PIWIL2: variants seen among roughly 807,000 people sequenced by gnomAD.
PIWIL2 encodes the protein piwi like RNA-mediated gene silencing 2, also known as piwi-like protein 2.
Under a neutral mutation model 116.5 loss-of-function variants are expected in PIWIL2, and 81 were observed. The observed-to-expected ratio is 0.70, with a 90% confidence interval of 0.58 to 0.84. The LOEUF (loss-of-function observed/expected upper bound fraction) is 0.84, where lower values mean the gene tolerates loss of function less well. Among genes scored for constraint, PIWIL2 ranks in the 40% least tolerant of loss-of-function variants. The pLI is 0.00. For synonymous variants in PIWIL2, 489 were observed against 429.5 expected, an observed-to-expected ratio of 1.14 and a Z score of -1.71; for missense variants, 1,272 against 1,212.3, an observed-to-expected ratio of 1.05 and a Z score of -0.73.
Position 22,283,156 on chromosome 8 carries a change from A to G in PIWIL2, c.548A>G (p.Gln183Arg), listed in dbSNP as rs1410634826. 4 of 1,614,060 alleles carry G rather than the reference A, an allele frequency of 2.5e-6. No homozygotes were observed. In the African/African-American group the frequency reaches 4.0e-5, roughly 16 times the overall value. Reference protein sequence around the residue: ...TFSTPSRGPPQLSSPPALPQS... With the variant: ...TFSTPSRGPPRLSSPPALPQS... ...AGCACACCGTCCCGGGGTCCCCCGC[A>G]GCTGTCATCACCACCAGCTCTGCCC... Residue 183 changes from glutamine to arginine, a missense_variant, in exon 5 of 23, where the codon CAG becomes CGG. Coordinates refer to ENST00000356766, the MANE Select transcript of PIWIL2 (RefSeq NM_018068.5).
intron 5 of PIWIL2, among the ~76,000 whole-genome samples, chr8:22,283,558 G>A (rs1337983864): frequency 2.0e-5 from 3 of 152,128 alleles, no homozygotes; most frequent in African/African-American, 4.8e-5. Context: ...ATAGGCGCCC[G>A]CCATCACCCC....
intron 4 of PIWIL2, among the ~76,000 whole-genome samples, chr8:22,282,649 G>A (rs905115220): frequency 4.6e-5 from 7 of 151,834 alleles, no homozygotes; most frequent in Non-Finnish European, 8.8e-5. Context: ...TTAGTGCAGT[G>A]GTGTGATCTC....
At chr8:22,321,531 A>G (rs1215439827) in intron 20 of PIWIL2, among the ~76,000 whole-genome samples, 1 of 152,086 alleles carries the variant, frequency 6.6e-6, no homozygotes, top group African/African-American at 2.4e-5. Context: ...TGTTTTGCAA[A>G]ATGAAGACCT....
At chr8:22,323,272 C>T (rs10101724) in intron 20 of PIWIL2, among the ~76,000 whole-genome samples, 6,889 of 151,620 alleles carry the variant, frequency 0.045, 521 homozygotes, top group African/African-American at 0.16. Context: ...CTCAGCTTCC[C>T]GAGTAGCTGG....
intron 19 of PIWIL2, among the ~76,000 whole-genome samples, chr8:22,317,852 G>A (rs1245312217): frequency 4.6e-5 from 7 of 151,902 alleles, no homozygotes; most frequent in Non-Finnish European, 8.8e-5. Context: ...TAGTAGAGAC[G>A]GGGTTTCACC....
chr8:22,310,967 T>G (rs921528545), intron 15 of PIWIL2, 145 bp from the exon 16 acceptor site: 1 of 673,548 alleles, frequency 1.5e-6, no homozygotes, highest in African/African-American at 1.8e-5. Context: ...TCTTATCATG[T>G]ACGTTCATGT....
Position 22,352,861 on chromosome 8 carries a change from C to T in PIWIL2, c.2404-98C>T, listed in dbSNP as rs557976380. ...TTGGCACTAACTGCAAAAGGATCTG[C>T]CATGATTCCAGGCTACACAATGCGA... On this transcript the variant is annotated intron_variant, in intron 20 of 22. Coordinates refer to ENST00000356766, the MANE Select transcript of PIWIL2 (RefSeq NM_018068.5). 4.9e-6 allele frequency: 6 copies of T among 1,236,782 alleles called. No individual in the cohort carries two copies. The South Asian group carries it at 7.6e-5, about 16-fold the overall frequency. 76.6% of individuals were successfully genotyped at this position (1,236,782 alleles called of 1,614,324 possible). A position where few individuals can be genotyped will look rare whatever the true frequency, so the allele number is the denominator to read the frequency against.
At chr8:22,290,564 T>A (rs1830735657) in intron 10 of PIWIL2, among the ~76,000 whole-genome samples, 1 of 151,910 alleles carries the variant, frequency 6.6e-6, no homozygotes, top group African/African-American at 2.4e-5. Context: ...ACCTCAGCCT[T>A]CTGAGTAGCC....
At chr8:22,321,435 T>G (rs1831596811) in intron 20 of PIWIL2, among the ~76,000 whole-genome samples, 7 of 152,302 alleles carry the variant, frequency 4.6e-5, no homozygotes, top group Admixed American at 6.5e-5. Flanking sequence ...TTCTTTCAGG[T>G]CCTCATTATT....
chr8:22,349,415 GTGTGTA>G (rs1301910336), intron 20 of PIWIL2, among the ~76,000 whole-genome samples: 30 of 134,946 alleles, frequency 2.2e-4, no homozygotes, highest in Admixed American at 1.1e-3. Context: ...ATATATGTGT[GTGTGTA>G]TATATATATA....
intron 20 of PIWIL2, among the ~76,000 whole-genome samples, chr8:22,331,820 T>C (rs1831868596): frequency 6.6e-6 from 1 of 152,044 alleles, no homozygotes; most frequent in Non-Finnish European, 1.5e-5. Context: ...ATCAGTCATA[T>C]TGGATTAGGG....
chr8:22,325,079 C>T (rs1343932049), intron 20 of PIWIL2, among the ~76,000 whole-genome samples: 1 of 152,132 alleles, frequency 6.6e-6, no homozygotes, highest in Admixed American at 6.6e-5. Flanking sequence ...CTGGCACCTA[C>T]AGTGTAGGAA....
chr8:22,352,719 G>A, intron 20 of PIWIL2: 1 of 454,730 alleles, frequency 2.2e-6, no homozygotes, highest in Non-Finnish European at 3.9e-6. Flanking sequence ...CTCATAACTT[G>A]CATGTTTTGC....
intron 20 of PIWIL2, among the ~76,000 whole-genome samples, chr8:22,330,810 CT>C (rs1406782886): frequency 2.0e-5 from 3 of 152,084 alleles, no homozygotes; most frequent in South Asian, 2.1e-4. Flanking sequence ...TCTCTGTTGA[CT>C]TTTTTTCCCC....
At chr8:22,301,822 C>T (rs1439504940) in intron 10 of PIWIL2, among the ~76,000 whole-genome samples, 2 of 151,764 alleles carry the variant, frequency 1.3e-5, no homozygotes, top group Non-Finnish European at 2.9e-5. Context: ...GGTCTGAGTT[C>T]CTTTTGTTAC....
intron 20 of PIWIL2, among the ~76,000 whole-genome samples, chr8:22,333,920 G>A (rs1831919909): frequency 6.6e-6 from 1 of 151,594 alleles, no homozygotes; most frequent in South Asian, 2.1e-4. Context: ...CAGAGAATAA[G>A]GAGGAAGGGC....
chr8:22,287,288 C>T (rs1397801435), intron 6 of PIWIL2, among the ~76,000 whole-genome samples: 1 of 152,226 alleles, frequency 6.6e-6, no homozygotes, highest in Non-Finnish European at 1.5e-5. Flanking sequence ...CACTGACGTG[C>T]TAAGGCAGGT....
At chr8:22,335,793 A>G (rs1831967743) in intron 20 of PIWIL2, among the ~76,000 whole-genome samples, 1 of 152,170 alleles carries the variant, frequency 6.6e-6, no homozygotes, top group African/African-American at 2.4e-5. Context: ...TTCTGGCTTC[A>G]AGTGATCCAC....
intron 20 of PIWIL2, among the ~76,000 whole-genome samples, chr8:22,343,364 G>A (rs756123036): frequency 6.6e-6 from 1 of 152,134 alleles, no homozygotes; most frequent in Non-Finnish European, 1.5e-5. Flanking sequence ...GAACTTGGGA[G>A]GCAGAGGCTG....
Sources: allele counts gnomAD v4.1 joint callset (sites outside exome capture counted in the v4.1 genomes callset), GRCh38; gene constraint gnomAD v4.1.1; transcripts MANE v1.5; gene names NCBI Gene and HGNC (gene_info 2026-07-23, HGNC 2026-07-21).